NEBL: variants seen among roughly 807,000 people sequenced by gnomAD.
NEBL encodes the protein LIM and SH3 protein 2.
A neutral mutation model predicts 140.2 loss-of-function variants in NEBL; 122 were observed. The observed-to-expected ratio is 0.87, with a 90% CI of 0.75 to 1.01. NEBL has a LOEUF of 1.01. Among genes scored for constraint, NEBL ranks in the 50% least tolerant of loss-of-function variants. The probability of loss-of-function intolerance (pLI) is 0.00; values close to 1 mark genes in which losing one functional copy is unlikely to be tolerated. For synonymous variants in NEBL, 436 were observed against 398.9 expected (o/e 1.09, Z -1.11); for missense variants, 1,365 against 1,231.3 (o/e 1.11, Z -1.62).
At chr10:21,028,254 A>AGAAGAAGAAGAAGAATAAGAAGAAG (rs1554819369) in intron 2 of NEBL, among the ~76,000 whole-genome samples, 1 of 70,332 alleles carries the variant, frequency 1.4e-5, no homozygotes, top group Non-Finnish European at 2.7e-5. Context: ...AAAAAAAAAA[A>AGAAGAAGAAGAAGAATAAGAAGAAG]AAGAAGAAGA....
At chr10:20,842,497 C>A (rs1033493000) in intron 12 of NEBL, among the ~76,000 whole-genome samples, 4 of 152,048 alleles carry the variant, frequency 2.6e-5, no homozygotes, top group Non-Finnish European at 5.9e-5. Flanking sequence ...TAAATGCTTA[C>A]ACTTACAAAG....
At chr10:20,826,389 T>A in intron 18 of NEBL, 58 bp downstream of exon 18, 1 of 1,321,750 alleles carries the variant, frequency 7.6e-7, no homozygotes, top group Middle Eastern at 1.9e-4. Context: ...ACTAAAAACA[T>A]TTGTCTATAG....
At position 21,125,187 on chromosome 10, in the gene NEBL, C is replaced by T. The variant is rs543248003; in HGVS notation, c.164+47196G>A. Among the ~76,000 whole-genome samples the T allele has an allele frequency of 5.3e-5, 8 of 151,944 alleles. No homozygotes were observed. The South Asian group carries it at 1.7e-3, about 32-fold the overall frequency. ...AATGGAATTCCAGAGTCTCTAGAAG[C>T]TCACAGGCACACACACGCACACACA... On this transcript the variant is annotated intron_variant, in intron 2 of 6. Transcript: ENST00000417816.
intron 2 of NEBL, among the ~76,000 whole-genome samples, chr10:21,094,621 T>A (rs1837095243): frequency 6.6e-6 from 1 of 151,708 alleles, no homozygotes; most frequent in Admixed American, 6.6e-5. Flanking sequence ...GGCAGAGGTT[T>A]CAGTGAGCTG....
intron 1 of NEBL, among the ~76,000 whole-genome samples, chr10:21,280,237 G>A (rs757782636): frequency 6.6e-6 from 1 of 152,094 alleles, no homozygotes; most frequent in Non-Finnish European, 1.5e-5. Context: ...GAAGTCACAT[G>A]ACCATCTCTT....
At chr10:20,920,058 A>C (rs1833507989) in intron 4 of NEBL, among the ~76,000 whole-genome samples, 1 of 152,210 alleles carries the variant, frequency 6.6e-6, no homozygotes, top group South Asian at 2.1e-4. Context: ...GAGGACGCCC[A>C]AGCTTCTTAC....
At chr10:20,825,473 A>G (rs1194017865) in intron 18 of NEBL, among the ~76,000 whole-genome samples, 1 of 152,066 alleles carries the variant, frequency 6.6e-6, no homozygotes, top group Non-Finnish European at 1.5e-5. Context: ...CCTGGCCGAC[A>G]TGGTGAAACC....
Position 20,792,358 on chromosome 10 carries a change from T to G in NEBL, c.2762-5050A>C, listed in dbSNP as rs944329104. ...GACTACTGTTTTATCAGCTAATGTATGTCAAATAACTTAATGAGGTTTTGT... is the reference window on the plus strand; with the variant it reads ...GACTACTGTTTTATCAGCTAATGTAGGTCAAATAACTTAATGAGGTTTTGT... On this transcript the variant is annotated intron_variant, in intron 26 of 27. Coordinates refer to ENST00000377122, the MANE Select transcript of NEBL (RefSeq NM_006393.3). Among the ~76,000 whole-genome samples, 12 of 152,218 alleles carry G rather than the reference T, an allele frequency of 7.9e-5. No individual in the cohort carries two copies. The South Asian group carries it at 8.3e-4, about 10-fold the overall frequency.
At chr10:20,951,421 G>T (rs955503519) in intron 4 of NEBL, among the ~76,000 whole-genome samples, 5 of 150,074 alleles carry the variant, frequency 3.3e-5, no homozygotes, top group African/African-American at 1.2e-4. Flanking sequence ...CAATTTTTAT[G>T]ACATAATCCT....
intron 4 of NEBL, among the ~76,000 whole-genome samples, chr10:20,886,622 T>TA (rs533513048): frequency 1.4e-3 from 214 of 152,234 alleles, no homozygotes; most frequent in African/African-American, 3.2e-3. Context: ...AGTGTGTGGT[T>TA]AAAAACCTAG....
At chr10:20,823,703 T>C (rs952914375) in intron 18 of NEBL, among the ~76,000 whole-genome samples, 1 of 152,090 alleles carries the variant, frequency 6.6e-6, no homozygotes, top group Non-Finnish European at 1.5e-5. Flanking sequence ...GTCAAATTGA[T>C]TTAGCCACAG....
intron 3 of NEBL, among the ~76,000 whole-genome samples, chr10:20,979,487 T>C (rs1448305513): frequency 2.0e-5 from 3 of 152,230 alleles, no homozygotes; most frequent in Admixed American, 2.0e-4. Flanking sequence ...AATGTATTTA[T>C]GTTTTACTCG....
intron 5 of NEBL, among the ~76,000 whole-genome samples, chr10:20,880,254 G>A (rs1413435813): frequency 1.3e-5 from 2 of 152,118 alleles, no homozygotes; most frequent in Non-Finnish European, 1.5e-5. Flanking sequence ...CCAGCTACTC[G>A]GGAGGCTGAG....
rs533583146 is a variant in NEBL, at chr10:20,941,964, C to T, written c.357+19708G>A. Among the ~76,000 whole-genome samples the T allele has an allele frequency of 1.5e-3, 232 of 152,262 alleles. 1 individual carries two copies. The highest frequency in any genetic ancestry group is 5.5e-3 in the African/African-American group (228 of 41,554). On this transcript the variant is annotated intron_variant, in intron 4 of 6. Coordinates refer to the NEBL transcript ENST00000417816. ...GGATACAAACAAATGGAAGAACATT[C>T]CATGCTCATGGGTAGGAAGAATCAA... is the stretch of plus-strand genomic sequence containing the variant.
At chr10:20,925,631 C>A (rs891883273) in intron 4 of NEBL, among the ~76,000 whole-genome samples, 1 of 152,068 alleles carries the variant, frequency 6.6e-6, no homozygotes, top group South Asian at 2.1e-4. Flanking sequence ...TGAATTGCTG[C>A]CAACTCCTTA....
intron 4 of NEBL, among the ~76,000 whole-genome samples, chr10:20,942,680 A>C (rs765903444): frequency 2.0e-5 from 3 of 152,244 alleles, no homozygotes; most frequent in Non-Finnish European, 4.4e-5. Flanking sequence ...AAATTTCTGC[A>C]ATCTACTCAT....
intron 3 of NEBL, among the ~76,000 whole-genome samples, chr10:21,187,698 G>A (rs1245911154): frequency 1.3e-5 from 2 of 151,962 alleles, no homozygotes; most frequent in African/African-American, 4.8e-5. Flanking sequence ...ATTTTTTGTA[G>A]AGAGGGGATT....
At chr10:21,022,762 A>C (rs1322742941) in intron 2 of NEBL, among the ~76,000 whole-genome samples, 2 of 152,228 alleles carry the variant, frequency 1.3e-5, no homozygotes, top group African/African-American at 4.8e-5. Flanking sequence ...CAAATCATAC[A>C]AGATGATTAT....
chr10:21,096,517 G>A (rs1837194315), intron 2 of NEBL, among the ~76,000 whole-genome samples: 1 of 150,946 alleles, frequency 6.6e-6, no homozygotes, highest in African/African-American at 2.4e-5. Context: ...GTGTGTGTGT[G>A]TGTGTGTGTG....
Sources: gnomAD v4.1 joint callset for allele counts (sites outside exome capture counted in the v4.1 genomes callset) on GRCh38, gnomAD v4.1.1 for gene constraint, MANE v1.5 for transcripts, NCBI Gene and HGNC (gene_info 2026-07-23, HGNC 2026-07-21) for gene names.